CHRNA6: variants seen among roughly 807,000 people sequenced by gnomAD.
CHRNA6 encodes the protein cholinergic receptor nicotinic alpha 6 subunit.
A neutral mutation model predicts 40.9 loss-of-function variants in CHRNA6; 31 were observed. The ratio of observed to expected loss-of-function variants is 0.76; its 90% CI spans 0.57 to 1.02. The LOEUF is 1.02. CHRNA6 is among the 50% of genes least tolerant of loss of function. The probability of loss-of-function intolerance (pLI) is 0.00; values close to 1 mark genes in which losing one functional copy is unlikely to be tolerated. For missense variants in CHRNA6, 546 were observed against 596.6 expected, an observed-to-expected ratio of 0.92 and a Z score of 0.88; for synonymous variants, 222 against 221.3, an observed-to-expected ratio of 1.00 and a Z score of -0.03.
chr8:42,755,216 C>T (rs555781181), intron 5 of CHRNA6, among the ~76,000 whole-genome samples: 2 of 149,646 alleles, frequency 1.3e-5, no homozygotes, highest in African/African-American at 2.5e-5. Context: ...TTCAGGGTCT[C>T]ACTATGTTGC....
At chr8:42,753,926 C>CT (rs1242398709) in intron 5 of CHRNA6, among the ~76,000 whole-genome samples, 1 of 152,096 alleles carries the variant, frequency 6.6e-6, no homozygotes, top group African/African-American at 2.4e-5. Flanking sequence ...GGTGGGTAGT[C>CT]TGGCTCCATG....
intron 2 of CHRNA6, among the ~76,000 whole-genome samples, chr8:42,763,392 G>T (rs1287074264): frequency 6.6e-6 from 1 of 152,162 alleles, no homozygotes; most frequent in Non-Finnish European, 1.5e-5. Context: ...GCATAAGACA[G>T]GAATAAACTT....
chr8:42,758,495 G>A (rs568453927), intron 3 of CHRNA6, among the ~76,000 whole-genome samples: 2 of 152,124 alleles, frequency 1.3e-5, no homozygotes, highest in South Asian at 4.2e-4. Context: ...GAGTAGCTGG[G>A]ATTACGGGCA....
At chr8:42,757,861 G>T (rs988809161) in intron 3 of CHRNA6, among the ~76,000 whole-genome samples, 2 of 150,516 alleles carry the variant, frequency 1.3e-5, no homozygotes, top group Non-Finnish European at 3.0e-5. Context: ...GTGAAACCCC[G>T]TCTCTACTAA....
Position 42,757,013 on chromosome 8 carries a change from A to G in CHRNA6, c.289T>C (p.Trp97Arg). The G allele has an allele frequency of 1.9e-6, 3 of 1,612,552 alleles. No homozygotes were observed. The highest frequency in any genetic ancestry group is 2.5e-6 in the Non-Finnish European group (3 of 1,178,588). ...RHIWNDYKLR[W>R]DPMEYDGIET... ...ATGCCATCATATTCCATTGGATCCC[A>G]GCGCAATTTATAATCATTCCAGATC... is the stretch of plus-strand genomic sequence containing the variant. Residue 97 changes from tryptophan to arginine, a missense_variant, in exon 4 of 6, where the codon TGG becomes CGG. Coordinates refer to ENST00000276410, the MANE Select transcript of CHRNA6 (RefSeq NM_004198.3).
Position 42,753,119 on chromosome 8 carries a change from G to T in CHRNA6, c.*60C>A. ...AAGCCTTTGCTTTCCTTTCCTTGTGGCAGGGAATGCAGAACAAATATGGTG... is the reference window on the plus strand; with the variant it reads ...AAGCCTTTGCTTTCCTTTCCTTGTGTCAGGGAATGCAGAACAAATATGGTG... On this transcript the variant is annotated 3_prime_UTR_variant, in exon 6 of 6. Transcript: ENST00000276410. 7 of 1,481,892 alleles carry T rather than the reference G, an allele frequency of 4.7e-6. No individual in the cohort carries two copies. The highest frequency in any genetic ancestry group is 1.3e-5 in the South Asian group (1 of 77,334). 91.8% of individuals were successfully genotyped at this position (1,481,892 alleles called of 1,614,324 possible).
intron 2 of CHRNA6, among the ~76,000 whole-genome samples, chr8:42,762,269 C>T (rs1816914392): frequency 6.6e-6 from 1 of 152,196 alleles, no homozygotes; most frequent in Non-Finnish European, 1.5e-5. Flanking sequence ...ACACTAAAAC[C>T]TGTACACAAA....
In CHRNA6 at chr8:42,768,768, G is replaced by A. The variant is rs1034405693; in HGVS notation, c.-338C>T. 4.7e-6 allele frequency: 1 copy of A among 211,978 alleles called. No homozygotes were observed. Among genetic ancestry groups the A allele is most frequent in the East Asian group, 1.0e-4 (1 of 9,766 alleles). 13.1% of individuals were successfully genotyped at this position (211,978 alleles called of 1,614,324 possible). A position where few individuals can be genotyped will look rare whatever the true frequency, so the allele number is the denominator to read the frequency against. On this transcript the variant is annotated 5_prime_UTR_variant, in exon 1 of 6. Coordinates refer to ENST00000276410, the MANE Select transcript of CHRNA6 (RefSeq NM_004198.3). ...GGACCCCGGGAGGATGAACACCTGT[G>A]AGTGGCTGAGATCTTTCTGTGGTGC...
At chr8:42,760,030 T>A (rs1816873436) in intron 2 of CHRNA6, among the ~76,000 whole-genome samples, 3 of 152,164 alleles carry the variant, frequency 2.0e-5, no homozygotes. Context: ...ATGTGCTCTA[T>A]AAATATTGGG....
At chr8:42,760,643 C>T (rs1252065799) in intron 2 of CHRNA6, among the ~76,000 whole-genome samples, 1 of 152,186 alleles carries the variant, frequency 6.6e-6, no homozygotes, top group African/African-American at 2.4e-5. Flanking sequence ...CACAGTCATG[C>T]ACACACACGC....
chr8:42,757,732 CAAA>C (rs34358773), intron 3 of CHRNA6, among the ~76,000 whole-genome samples: 289 of 105,164 alleles, frequency 2.7e-3, no homozygotes, highest in African/African-American at 8.0e-3. Context: ...GACTCTGTCT[CAAA>C]AAAAAAAAAA....
intron 2 of CHRNA6, among the ~76,000 whole-genome samples, chr8:42,762,179 C>T (rs565158571): frequency 7.9e-5 from 12 of 152,296 alleles, no homozygotes; most frequent in Admixed American, 5.2e-4. Flanking sequence ...CCACTTCTCT[C>T]GGCCACCCCA....
At chr8:42,758,504 C>A (rs1262035214) in intron 3 of CHRNA6, among the ~76,000 whole-genome samples, 2 of 152,174 alleles carry the variant, frequency 1.3e-5, no homozygotes, top group African/African-American at 4.8e-5. Context: ...GGATTACGGG[C>A]ACCCACCACC....
intron 3 of CHRNA6, among the ~76,000 whole-genome samples, chr8:42,757,805 G>T (rs550359200): frequency 6.6e-6 from 1 of 151,344 alleles, no homozygotes; most frequent in African/African-American, 2.4e-5. Flanking sequence ...AGGCCGAGGC[G>T]TGCAGATCAC....
At position 42,756,202 on chromosome 8, in the gene CHRNA6, T is replaced by C. The variant is rs201530242; in HGVS notation, c.997A>G (p.Thr333Ala). The change falls in exon 5 of 6, where the codon ACC becomes GCC. Residue 333 changes from threonine (T) to alanine (A), a missense_variant. Physicochemically the swap from Thr to Ala is moderately conservative, Grantham distance 58. Coordinates refer to ENST00000276410, the MANE Select transcript of CHRNA6 (RefSeq NM_004198.3). Reference protein sequence around the residue: ...FVLNIHYRTPTTHTMPRWVKT... With the variant: ...FVLNIHYRTPATHTMPRWVKT... ...ACCCACCTGGGCATTGTGTGCGTGG[T>C]TGGGGTGCGGTAGTGTATGTTCAAC... 1.7e-5 allele frequency: 28 copies of C among 1,614,242 alleles called. No homozygotes were observed. The highest frequency in any genetic ancestry group is 1.7e-4 in the African/African-American group (13 of 75,056).
Position 42,756,213 on chromosome 8 carries a change from T to A in CHRNA6, c.986A>T (p.Tyr329Phe), listed in dbSNP as rs758246174. 1 of 1,614,198 alleles carries A rather than the reference T, an allele frequency of 6.2e-7. No individual in the cohort carries two copies. Among genetic ancestry groups the A allele is most frequent in the East Asian group, 2.2e-5 (1 of 44,890 alleles). ...VVTVFVLNIH[Y>F]RTPTTHTMPR... ...CATTGTGTGCGTGGTTGGGGTGCGGTAGTGTATGTTCAACACAAACACAGT... is the reference window on the plus strand; with the variant it reads ...CATTGTGTGCGTGGTTGGGGTGCGGAAGTGTATGTTCAACACAAACACAGT... The change falls in exon 5 of 6, where the codon TAC (tyrosine) becomes TTC (phenylalanine). Residue 329 changes from tyrosine (Y) to phenylalanine (F), a missense_variant. By Grantham distance (22) the Tyr-to-Phe change is conservative (BLOSUM62 3). Around this residue, in one of 3 missense-constraint regions of CHRNA6, gnomAD observed 476 missense variants for 494.5 expected, o/e 0.96. Coordinates refer to ENST00000276410, the MANE Select transcript of CHRNA6 (RefSeq NM_004198.3).
chr8:42,760,627 C>T (rs1430341290), intron 2 of CHRNA6, among the ~76,000 whole-genome samples: 1 of 152,164 alleles, frequency 6.6e-6, no homozygotes. Context: ...CTCATGCACA[C>T]ACACTCACAG....
At chr8:42,764,989 A>G in intron 2 of CHRNA6, 76 bp downstream of exon 2, 1 of 1,487,372 alleles carries the variant, frequency 6.7e-7, no homozygotes, top group South Asian at 1.2e-5. Flanking sequence ...ATCTATCTGT[A>G]TTTCTAAAAT....
Position 42,755,883 on chromosome 8 carries a change from A to C in CHRNA6, c.1316T>G (p.Ile439Arg). 2 of 1,614,220 alleles carry C rather than the reference A, an allele frequency of 1.2e-6. No individual in the cohort carries two copies. Among genetic ancestry groups the C allele is most frequent in the Non-Finnish European group, 1.7e-6 (2 of 1,180,032 alleles). Residue 439 changes from isoleucine to arginine, a missense_variant, in exon 5 of 6, where the codon ATA becomes AGA. Around this residue, in one of 3 missense-constraint regions of CHRNA6, gnomAD observed 65 missense variants for 83.8 expected, o/e 0.78. Coordinates refer to ENST00000276410, the MANE Select transcript of CHRNA6 (RefSeq NM_004198.3). ...VEDVINSVQFIAENMKSHNET... is the reference protein window; with the variant it reads ...VEDVINSVQFRAENMKSHNET... Reference sequence around the variant, plus strand: ...ATTGTGGCTCTTCATGTTTTCTGCTATGAACTGAACACTGTTAATCACATC... The same window carrying C: ...ATTGTGGCTCTTCATGTTTTCTGCTCTGAACTGAACACTGTTAATCACATC...
Sources: allele counts gnomAD v4.1 joint callset (sites outside exome capture counted in the v4.1 genomes callset), GRCh38; gene constraint gnomAD v4.1.1; regional missense constraint gnomAD v4.1.1; transcripts MANE v1.5; gene names NCBI Gene and HGNC (gene_info 2026-07-23, HGNC 2026-07-21).